MAGI2: variants seen among roughly 807,000 people sequenced by gnomAD.
MAGI2 encodes membrane associated guanylate kinase, WW and PDZ domain containing 2, also known as membrane-associated guanylate kinase, WW and PDZ domain-containing protein 2.
In MAGI2, 35 loss-of-function variants were observed where a neutral mutation model predicts 133.3. The observed-to-expected ratio is 0.26, with a 90% CI of 0.20 to 0.35. The LOEUF (loss-of-function observed/expected upper bound fraction) is 0.35, where lower values mean the gene tolerates loss of function less well. Among genes scored for constraint, MAGI2 ranks in the 10% least tolerant of loss-of-function variants. MAGI2 has a pLI of 1.00. For missense variants in MAGI2, 1,636 were observed against 1,863.4 expected (o/e 0.88, Z 2.25); for synonymous variants, 729 against 710.6 (o/e 1.03, Z -0.41).
intron 18 of MAGI2, among the ~76,000 whole-genome samples, chr7:78,130,463 ACTGT>A (rs1224416949): frequency 1.3e-5 from 2 of 152,200 alleles, no homozygotes; most frequent in Admixed American, 6.5e-5. Context: ...TGGCATATAA[ACTGT>A]CTTAGAGACA....
At chr7:79,297,228 T>C (rs889524042) in intron 1 of MAGI2, among the ~76,000 whole-genome samples, 3 of 152,136 alleles carry the variant, frequency 2.0e-5, no homozygotes, top group Admixed American at 6.6e-5. Flanking sequence ...ATTTTAGAAA[T>C]GTAAAAATGT....
intron 9 of MAGI2, among the ~76,000 whole-genome samples, chr7:78,332,500 C>T (rs1789318269): frequency 6.6e-6 from 1 of 152,068 alleles, no homozygotes; most frequent in African/African-American, 2.4e-5. Flanking sequence ...AGATCGAGAC[C>T]ATCCTGGCTA....
intron 1 of MAGI2, among the ~76,000 whole-genome samples, chr7:79,077,599 A>AAAAAC (rs1815641486): frequency 1.1e-5 from 1 of 87,318 alleles, no homozygotes; most frequent in Non-Finnish European, 2.1e-5. Flanking sequence ...AAAAAAATAA[A>AAAAAC]TAAATAAATA....
chr7:78,645,642 TG>T (rs1810799531), intron 2 of MAGI2, among the ~76,000 whole-genome samples: 1 of 78,066 alleles, frequency 1.3e-5, no homozygotes, highest in South Asian at 4.7e-4. Context: ...ATAAGTGTGG[TG>T]TGTGTGTGTG....
At chr7:79,095,601 G>T (rs1486836297) in intron 1 of MAGI2, among the ~76,000 whole-genome samples, 1 of 152,060 alleles carries the variant, frequency 6.6e-6, no homozygotes, top group Non-Finnish European at 1.5e-5. Flanking sequence ...GTGTCTCAGG[G>T]ACTAGGAGGG....
chr7:78,161,341 A>G (rs1414691319), intron 15 of MAGI2, among the ~76,000 whole-genome samples: 1 of 152,196 alleles, frequency 6.6e-6, no homozygotes, highest in East Asian at 1.9e-4. Context: ...TGATGAAAAG[A>G]ACCGAAGCAG....
intron 6 of MAGI2, among the ~76,000 whole-genome samples, chr7:78,389,803 T>C (rs2151312101): frequency 6.6e-6 from 1 of 152,266 alleles, no homozygotes; most frequent in African/African-American, 2.4e-5. Flanking sequence ...TAACCCTTGA[T>C]TGCCCTAACA....
intron 20 of MAGI2, among the ~76,000 whole-genome samples, chr7:78,113,186 G>T (rs150539864): frequency 5.1e-4 from 76 of 149,736 alleles, no homozygotes; most frequent in African/African-American, 1.9e-3. Context: ...AACACGCAGG[G>T]CCTGGCAGCC....
intron 2 of MAGI2, among the ~76,000 whole-genome samples, chr7:78,756,573 G>A (rs1396037446): frequency 1.3e-5 from 2 of 152,152 alleles, no homozygotes; most frequent in Admixed American, 1.3e-4. Flanking sequence ...TGCACAAAAT[G>A]AGGGTACTTT....
At chr7:79,211,408 G>A (rs1391520276) in intron 1 of MAGI2, among the ~76,000 whole-genome samples, 1 of 151,708 alleles carries the variant, frequency 6.6e-6, no homozygotes, top group Non-Finnish European at 1.5e-5. Flanking sequence ...CTCCTGCGTA[G>A]CTGAGACTAC....
intron 2 of MAGI2, among the ~76,000 whole-genome samples, chr7:78,823,501 T>C (rs1027184824): frequency 4.8e-5 from 7 of 144,842 alleles, no homozygotes; most frequent in African/African-American, 1.8e-4. Context: ...GAGAATGGCG[T>C]GAACCCGGGA....
At chr7:78,349,581 T>A (rs1389464594) in intron 7 of MAGI2, among the ~76,000 whole-genome samples, 5 of 152,152 alleles carry the variant, frequency 3.3e-5, no homozygotes, top group Non-Finnish European at 7.4e-5. Context: ...CCATTTACCA[T>A]CAAAATGAGT....
At chr7:78,595,147 C>CA (rs34801506) in intron 3 of MAGI2, among the ~76,000 whole-genome samples, 22,326 of 152,094 alleles carry the variant, frequency 0.15, 2,534 homozygotes, top group African/African-American at 0.32. Context: ...GCCCGACCCT[C>CA]AGTTTGGTCC....
intron 10 of MAGI2, chr7:78,252,461 A>G (rs1226729870): frequency 1.6e-5 from 2 of 127,946 alleles, no homozygotes; most frequent in Admixed American, 7.2e-5. Flanking sequence ...TTGGATGTAC[A>G]TAAGCAAAAA....
chr7:78,316,061 T>C (rs1236939330), intron 9 of MAGI2, among the ~76,000 whole-genome samples: 1 of 152,204 alleles, frequency 6.6e-6, no homozygotes, highest in Non-Finnish European at 1.5e-5. Flanking sequence ...CACTGGGAAG[T>C]GTCTTAGCTG....
At chr7:78,633,303 G>T (rs1438524255) in intron 2 of MAGI2, among the ~76,000 whole-genome samples, 1 of 152,114 alleles carries the variant, frequency 6.6e-6, no homozygotes, top group African/African-American at 2.4e-5. Context: ...TGGGTACTGG[G>T]CTTAGTACCT....
intron 2 of MAGI2, among the ~76,000 whole-genome samples, chr7:78,686,393 A>G (rs1263155404): frequency 6.6e-6 from 1 of 152,092 alleles, no homozygotes; most frequent in African/African-American, 2.4e-5. Flanking sequence ...CACCATGGCT[A>G]CCTTTCAATC....
chr7:78,754,020 T>G (rs1306708134), intron 2 of MAGI2, among the ~76,000 whole-genome samples: 1 of 152,282 alleles, frequency 6.6e-6, no homozygotes, highest in East Asian at 1.9e-4. Context: ...AAGGAATTTC[T>G]TCAGCCAGAG....
intron 3 of MAGI2, among the ~76,000 whole-genome samples, chr7:78,625,008 A>G (rs1808189168): frequency 1.3e-5 from 2 of 152,148 alleles, no homozygotes; most frequent in South Asian, 4.1e-4. Flanking sequence ...TGACAGTTCC[A>G]TGCCTATTAT....
Sources: allele counts gnomAD v4.1 joint callset (sites outside exome capture counted in the v4.1 genomes callset), GRCh38; gene constraint gnomAD v4.1.1; transcripts MANE v1.5; gene names NCBI Gene and HGNC (gene_info 2026-07-23, HGNC 2026-07-21).